PDCD6: variants seen among roughly 807,000 people sequenced by gnomAD.
PDCD6 encodes the protein programmed cell death protein 6.
PDCD6 carries 12 observed loss-of-function variants against 28.3 expected under a neutral mutation model. The observed-to-expected ratio is 0.42, with a 90% CI of 0.27 to 0.69. PDCD6 has a LOEUF of 0.69. Among genes scored for constraint, PDCD6 ranks in the 30% least tolerant of loss-of-function variants. The pLI, the probability that PDCD6 is intolerant of heterozygous loss-of-function variation, is 0.22. For missense variants in PDCD6, 226 were observed against 269.9 expected, an observed-to-expected ratio of 0.84 and a Z score of 1.14; for synonymous variants, 92 against 108.0, an observed-to-expected ratio of 0.85 and a Z score of 0.92.
intron 2 of PDCD6, chr5:289,737 G>A: frequency 1.2e-6 from 1 of 864,334 alleles, no homozygotes; most frequent in South Asian, 1.3e-5. Context: ...TGCTGTCTGT[G>A]CTGTCAGGCG....
intron 2 of PDCD6, chr5:289,810 C>G (rs1739207479): frequency 1.6e-6 from 2 of 1,241,084 alleles, no homozygotes; most frequent in African/African-American, 3.0e-5. Context: ...TCTGGGTGTC[C>G]CAGGCCCATT....
At chr5:281,029 CAG>C (rs577290076) in intron 2 of PDCD6, among the ~76,000 whole-genome samples, 52 of 152,230 alleles carry the variant, frequency 3.4e-4, no homozygotes, top group Non-Finnish European at 6.6e-4. Context: ...TCTGCACAGG[CAG>C]AGAGAAATAA....
chr5:286,164 A>G (rs1212583251), intron 2 of PDCD6, among the ~76,000 whole-genome samples: 4 of 145,608 alleles, frequency 2.7e-5, no homozygotes, highest in Admixed American at 6.8e-5. Flanking sequence ...GTTCCGTTTG[A>G]GGGCCGTGCA....
intron 2 of PDCD6, among the ~76,000 whole-genome samples, chr5:274,895 A>G (rs753811873): frequency 6.6e-6 from 1 of 152,156 alleles, no homozygotes; most frequent in East Asian, 1.9e-4. Flanking sequence ...CTAAATATCT[A>G]CCAGGAGACT....
At chr5:286,420 G>T (rs1374630067) in intron 2 of PDCD6, among the ~76,000 whole-genome samples, 1 of 152,022 alleles carries the variant, frequency 6.6e-6, no homozygotes, top group African/African-American at 2.4e-5. Context: ...TGGAGGCCTA[G>T]CGAGGAGCTA....
At position 299,792 on chromosome 5, in the gene PDCD6, G is replaced by A. The variant is rs375514050; in HGVS notation, c.164-4385G>A. On this transcript the variant is annotated intron_variant, in intron 2 of 5. Coordinates refer to ENST00000264933, the MANE Select transcript of PDCD6 (RefSeq NM_013232.4). ...TCTCGATCTCCTCACCTGGTGATCC[G>A]CCCGCCTTGGCCTCCCAAAGTGCTG... Among the ~76,000 whole-genome samples the A allele has an allele frequency of 4.5e-4, 68 of 152,160 alleles. 1 individual carries two copies. Among genetic ancestry groups the A allele is most frequent in the East Asian group, 1.4e-3 (7 of 5,174 alleles).
rs1026183011 is a variant in PDCD6, at chr5:271,715, T to C, written c.-6T>C. The stretch of plus-strand genomic sequence containing the variant: ...GGCGCCTCAGCCCAGCCGCGTGCCT[T>C]GGCCCATGGCCGCCTACTCTTACCG... On this transcript the variant is annotated 5_prime_UTR_variant, in exon 1 of 6. Coordinates refer to ENST00000264933, the MANE Select transcript of PDCD6 (RefSeq NM_013232.4). 1.2e-5 allele frequency: 18 copies of C among 1,523,652 alleles called. No homozygotes were observed. Among genetic ancestry groups the C allele is most frequent in the Non-Finnish European group, 1.5e-5 (17 of 1,134,206 alleles). The allele number at this position is 1,523,652 out of a possible 1,614,324, so 94.4% of individuals were successfully genotyped here.
chr5:271,648 A>G lies in PDCD6; in HGVS notation c.-73A>G, dbSNP rs1199069679. 1 of 850,408 alleles carries G rather than the reference A, an allele frequency of 1.2e-6. No individual in the cohort carries two copies. Among genetic ancestry groups the G allele is most frequent in the South Asian group, 1.4e-5 (1 of 70,380 alleles). 52.7% of individuals were successfully genotyped at this position (850,408 alleles called of 1,614,324 possible). A position where few individuals can be genotyped will look rare whatever the true frequency, so the allele number is the denominator to read the frequency against. On this transcript the variant is annotated 5_prime_UTR_variant, in exon 1 of 6. Transcript: ENST00000264933. The stretch of plus-strand genomic sequence containing the variant: ...TAATGCCAGGCCCTGCCCCCGGCAG[A>G]GGCGGAAGCGGAGTCGGCCTGAGAG...
intron 2 of PDCD6, among the ~76,000 whole-genome samples, chr5:278,985 C>G (rs552070110): frequency 2.6e-5 from 4 of 152,146 alleles, no homozygotes; most frequent in Non-Finnish European, 4.4e-5. Flanking sequence ...GCGGTTGTTT[C>G]GCGCCAAGCT....
Position 314,625 on chromosome 5 carries a change from A to G in PDCD6, c.*110A>G. ...CAGTTAGATGCTGTTCTTCCTTTAG[A>G]TTTTGTCACGTGGGGACCCAGCTGT... On this transcript the variant is annotated 3_prime_UTR_variant, in exon 6 of 6. Transcript: ENST00000264933. The G allele has an allele frequency of 1.2e-6, 1 of 805,430 alleles. No individual in the cohort carries two copies. Among genetic ancestry groups the G allele is most frequent in the Non-Finnish European group, 2.1e-6 (1 of 469,474 alleles). The allele number at this position is 805,430 out of a possible 1,614,324, so 49.9% of individuals were successfully genotyped here.
intron 2 of PDCD6, among the ~76,000 whole-genome samples, chr5:288,630 C>T (rs1351729475): frequency 2.6e-5 from 4 of 151,462 alleles, no homozygotes; most frequent in Non-Finnish European, 2.9e-5. Context: ...GAAAGATCAG[C>T]GGTAAGGTAA....
chr5:271,759 C>A lies in PDCD6; in HGVS notation c.39C>A (p.Gly13=). ...CTTACCGCCCCGGCCCTGGGGCCGGCCCTGGGCCTGCTGCAGGCGCGGCGC... is the reference window on the plus strand; with the variant it reads ...CTTACCGCCCCGGCCCTGGGGCCGGACCTGGGCCTGCTGCAGGCGCGGCGC... ...AYSYRPGPGA[G]PGPAAGAALP... Residue 13 remains glycine, a synonymous_variant, in exon 1 of 6, where the codon GGC becomes GGA. Transcript: ENST00000264933. 1 of 1,474,224 alleles carries A rather than the reference C, an allele frequency of 6.8e-7. No homozygotes were observed. The highest frequency in any genetic ancestry group is 9.0e-7 in the Non-Finnish European group (1 of 1,113,152). 91.3% of individuals were successfully genotyped at this position (1,474,224 alleles called of 1,614,324 possible). A position where few individuals can be genotyped will look rare whatever the true frequency, so the allele number is the denominator to read the frequency against.
chr5:301,454 T>C (rs1332789996), intron 2 of PDCD6, among the ~76,000 whole-genome samples: 1 of 152,252 alleles, frequency 6.6e-6, no homozygotes, highest in Non-Finnish European at 1.5e-5. Context: ...AACACTAGTT[T>C]TCAGTAATTC....
Position 297,303 on chromosome 5 carries a change from G to A in PDCD6, c.164-6874G>A, listed in dbSNP as rs561545189. Among the ~76,000 whole-genome samples, 5 of 152,376 alleles carry A rather than the reference G, an allele frequency of 3.3e-5. No individual in the cohort carries two copies. In the East Asian group the frequency reaches 7.7e-4, roughly 24 times the overall value. On this transcript the variant is annotated intron_variant, in intron 2 of 5. Transcript: ENST00000264933. ...GGAATAAACATGGGGGAGAGCGTAA[G>A]CGCTGTCCTAGCAGAAACTTATGCT...
intron 3 of PDCD6, chr5:306,225 A>G (rs116170076): frequency 1.6e-3 from 364 of 234,694 alleles, no homozygotes; most frequent in African/African-American, 7.4e-3. Flanking sequence ...CCCAGGAGCC[A>G]GGGGAGCTGG....
intron 2 of PDCD6, among the ~76,000 whole-genome samples, chr5:299,433 T>C (rs551055991): frequency 6.6e-6 from 1 of 150,886 alleles, no homozygotes; most frequent in South Asian, 2.1e-4. Context: ...CCTAGCCCAA[T>C]TTCTGTGCTG....
Position 288,311 on chromosome 5 carries a change from T to TATATATATAC in PDCD6, c.163+15540_163+15541insTATATATACA, listed in dbSNP as rs34574011. ...TATATATTATATATATATATATATA[T>TATATATATAC]ACACATATGTATATATAACTTAAAG... On this transcript the variant is annotated intron_variant, in intron 2 of 5. Coordinates refer to ENST00000264933, the MANE Select transcript of PDCD6 (RefSeq NM_013232.4). Among the ~76,000 whole-genome samples, 334 of 144,956 alleles carry TATATATATAC rather than the reference T, an allele frequency of 2.3e-3. 6 individuals are homozygous for TATATATATAC. The highest frequency in any genetic ancestry group is 7.2e-3 in the Middle Eastern group (2 of 276).
At chr5:302,070 C>CTGTG (rs369323059) in intron 2 of PDCD6, among the ~76,000 whole-genome samples, 797 of 57,700 alleles carry the variant, frequency 0.014, 40 homozygotes, top group East Asian at 0.079. Context: ...GAGTGCTGCT[C>CTGTG]TGTGTGTGTG....
intron 2 of PDCD6, among the ~76,000 whole-genome samples, chr5:299,850 G>GT (rs768532176): frequency 7.2e-6 from 1 of 137,978 alleles, no homozygotes; most frequent in Non-Finnish European, 1.5e-5. Flanking sequence ...CGCCCAGCTG[G>GT]TATTTTTTTT....
Sources: allele counts gnomAD v4.1 joint callset (sites outside exome capture counted in the v4.1 genomes callset), GRCh38; gene constraint gnomAD v4.1.1; transcripts MANE v1.5; gene names NCBI Gene and HGNC (gene_info 2026-07-23, HGNC 2026-07-21).